CTNNA3: variants seen among roughly 807,000 people sequenced by gnomAD.
CTNNA3 encodes catenin alpha-3.
Under a neutral mutation model 95.7 loss-of-function variants are expected in CTNNA3, and 76 were observed. The ratio of observed to expected loss-of-function variants is 0.79; its 90% CI spans 0.66 to 0.96. CTNNA3 has a LOEUF of 0.96. CTNNA3 is among the 40% of genes least tolerant of loss of function. The pLI is 0.00. For missense variants in CTNNA3, 1,191 were observed against 1,089.8 expected, an observed-to-expected ratio of 1.09 and a Z score of -1.31; for synonymous variants, 431 against 374.4, an observed-to-expected ratio of 1.15 and a Z score of -1.74.
chr10:66,045,859 C>A (rs1046145515), intron 15 of CTNNA3, among the ~76,000 whole-genome samples: 5 of 152,098 alleles, frequency 3.3e-5, no homozygotes, highest in Admixed American at 1.3e-4. Flanking sequence ...TCATGGAACA[C>A]CTATACAATA....
At chr10:66,550,501 A>G (rs1842181847) in intron 10 of CTNNA3, among the ~76,000 whole-genome samples, 1 of 152,150 alleles carries the variant, frequency 6.6e-6, no homozygotes, top group African/African-American at 2.4e-5. Context: ...ATTCATTTAC[A>G]TATTTTCTAT....
At chr10:67,225,704 G>A (rs891332049) in intron 5 of CTNNA3, among the ~76,000 whole-genome samples, 2 of 151,974 alleles carry the variant, frequency 1.3e-5, no homozygotes, top group African/African-American at 4.8e-5. Context: ...ACACCCCTTG[G>A]GACAAAAGAA....
chr10:66,291,199 C>T (rs2091675950), intron 12 of CTNNA3, among the ~76,000 whole-genome samples: 1 of 152,092 alleles, frequency 6.6e-6, no homozygotes, highest in African/African-American at 2.4e-5. Flanking sequence ...TTTCTCATTG[C>T]ATTTTATATG....
intron 5 of CTNNA3, among the ~76,000 whole-genome samples, chr10:67,414,454 C>A (rs1229654131): frequency 1.3e-5 from 2 of 151,846 alleles, no homozygotes; most frequent in Non-Finnish European, 2.9e-5. Context: ...ACCTACCAAG[C>A]AAAAAAAGCC....
At chr10:66,646,030 A>G (rs116992285) in intron 9 of CTNNA3, among the ~76,000 whole-genome samples, 1 of 152,068 alleles carries the variant, frequency 6.6e-6, no homozygotes, top group African/African-American at 2.4e-5. Context: ...TTATTTAACT[A>G]TTTTTGCTAT....
intron 3 of CTNNA3, among the ~76,000 whole-genome samples, chr10:67,543,647 C>A (rs1011922959): frequency 6.6e-6 from 1 of 152,064 alleles, no homozygotes; most frequent in African/African-American, 2.4e-5. Context: ...ATTAAGATTT[C>A]TAATATATGC....
intron 17 of CTNNA3, among the ~76,000 whole-genome samples, chr10:65,958,933 C>T (rs187854876): frequency 1.7e-3 from 264 of 152,276 alleles, no homozygotes; most frequent in African/African-American, 6.0e-3. Flanking sequence ...CAGACAGGGA[C>T]GTTTAAGTCT....
intron 15 of CTNNA3, among the ~76,000 whole-genome samples, chr10:66,037,348 C>G (rs2079586560): frequency 6.6e-6 from 1 of 152,158 alleles, no homozygotes; most frequent in African/African-American, 2.4e-5. Context: ...TAATTCTGAT[C>G]TCTTACATTG....
At chr10:67,237,942 G>A (rs188485951) in intron 5 of CTNNA3, among the ~76,000 whole-genome samples, 23 of 152,278 alleles carry the variant, frequency 1.5e-4, no homozygotes, top group East Asian at 1.4e-3. Flanking sequence ...GCTATAGTGG[G>A]AGAGATCCAG....
At chr10:66,152,485 T>G (rs935075926) in intron 13 of CTNNA3, among the ~76,000 whole-genome samples, 1 of 151,864 alleles carries the variant, frequency 6.6e-6, no homozygotes. Flanking sequence ...AAAATTCTCA[T>G]GTATACTTTC....
intron 13 of CTNNA3, among the ~76,000 whole-genome samples, chr10:66,119,140 T>A (rs1255618974): frequency 6.6e-6 from 1 of 152,162 alleles, no homozygotes; most frequent in Admixed American, 6.5e-5. Flanking sequence ...TCAGCAGGTA[T>A]TCATGGATTA....
chr10:66,432,566 A>G (rs201657109), intron 11 of CTNNA3, among the ~76,000 whole-genome samples: 1 of 151,706 alleles, frequency 6.6e-6, no homozygotes, highest in East Asian at 1.9e-4. Flanking sequence ...GAGGCTGAGG[A>G]AGGAGAATGG....
At chr10:66,584,096 ATC>A (rs770212361) in intron 10 of CTNNA3, among the ~76,000 whole-genome samples, 11 of 151,962 alleles carry the variant, frequency 7.2e-5, no homozygotes, top group Non-Finnish European at 1.5e-4. Flanking sequence ...TTAGTGACCT[ATC>A]ATATAATCTA....
intron 7 of CTNNA3, among the ~76,000 whole-genome samples, chr10:67,047,345 G>A (rs149670743): frequency 6.6e-6 from 1 of 152,252 alleles, no homozygotes; most frequent in Non-Finnish European, 1.5e-5. Flanking sequence ...GCCCCTAGGA[G>A]GAGACTGTGT....
chr10:67,342,906 CT>C (rs964040173), intron 5 of CTNNA3, among the ~76,000 whole-genome samples: 8 of 151,110 alleles, frequency 5.3e-5, no homozygotes, highest in Non-Finnish European at 8.9e-5. Context: ...TTGTTTTTTT[CT>C]TTTTTTGGAT....
chr10:66,915,533 A>C (rs1403237377), intron 7 of CTNNA3, among the ~76,000 whole-genome samples: 4 of 151,976 alleles, frequency 2.6e-5, no homozygotes, highest in African/African-American at 9.7e-5. Flanking sequence ...TGGTAAACTA[A>C]GAAAATAAAT....
At chr10:66,594,451 C>T (rs1467080190) in intron 10 of CTNNA3, among the ~76,000 whole-genome samples, 1 of 152,100 alleles carries the variant, frequency 6.6e-6, no homozygotes, top group Non-Finnish European at 1.5e-5. Flanking sequence ...AATGAAATCT[C>T]CTTCCAAAGC....
chr10:66,532,893 C>G (rs1462814530), intron 10 of CTNNA3, among the ~76,000 whole-genome samples: 1 of 152,082 alleles, frequency 6.6e-6, no homozygotes, highest in Non-Finnish European at 1.5e-5. Context: ...GTCTCCTTCT[C>G]TCTCCTTCTG....
At chr10:67,025,821 C>A (rs537179197) in intron 7 of CTNNA3, among the ~76,000 whole-genome samples, 1 of 151,620 alleles carries the variant, frequency 6.6e-6, no homozygotes, top group Admixed American at 6.6e-5. Flanking sequence ...ATGATTATTG[C>A]GGCACTATTC....
Sources: allele counts gnomAD v4.1 joint callset (sites outside exome capture counted in the v4.1 genomes callset), GRCh38; gene constraint gnomAD v4.1.1; transcripts MANE v1.5; gene names NCBI Gene and HGNC (gene_info 2026-07-23, HGNC 2026-07-21).